The following CC2D2B variants were observed in gnomAD, a reference collection of about 807,000 sequenced individuals.
The protein encoded by CC2D2B is coiled-coil and C2 domain containing 2B.
CC2D2B carries 128 observed loss-of-function variants against 161.2 expected under a neutral mutation model. The ratio of observed to expected loss-of-function variants is 0.79; its 90% confidence interval spans 0.69 to 0.92. CC2D2B has a LOEUF of 0.92. Among genes scored for constraint, CC2D2B ranks in the 40% least tolerant of loss-of-function variants. The probability of loss-of-function intolerance (pLI) is 0.00; values close to 1 mark genes in which losing one functional copy is unlikely to be tolerated. For missense variants in CC2D2B, 1,173 were observed against 1,375.1 expected (o/e 0.85, Z 2.32); for synonymous variants, 391 against 449.8 (o/e 0.87, Z 1.65).
In CC2D2B at chr10:96,032,419, G is replaced by A. The variant is rs114641132; in HGVS notation, c.*411G>A. On this transcript the variant is annotated 3_prime_UTR_variant, in exon 35 of 35. Coordinates refer to ENST00000646931, the MANE Select transcript of CC2D2B (RefSeq NM_001349008.3). Reference sequence around the variant, plus strand: ...TACTAGATCCTCCTCAAGACCCACTGAATCAGCACCTCTGGGAGTGAAGCT... The same window carrying A: ...TACTAGATCCTCCTCAAGACCCACTAAATCAGCACCTCTGGGAGTGAAGCT... The A allele has an allele frequency of 5.0e-6, 1 of 200,782 alleles. No homozygotes were observed. Among genetic ancestry groups the A allele is most frequent in the African/African-American group, 2.3e-5 (1 of 43,164 alleles). The allele number at this position is 200,782 out of a possible 1,614,324, so 12.4% of individuals were successfully genotyped here. A position where few individuals can be genotyped will look rare whatever the true frequency, so the allele number is the denominator to read the frequency against.
At chr10:96,016,777 A>G (rs538599151) in intron 30 of CC2D2B, among the ~76,000 whole-genome samples, 2 of 152,282 alleles carry the variant, frequency 1.3e-5, no homozygotes, top group South Asian at 2.1e-4. Context: ...CTGGAGGGCA[A>G]TAGCGTGATC....
intron 23 of CC2D2B, among the ~76,000 whole-genome samples, chr10:95,995,854 T>A (rs1429727114): frequency 1.3e-5 from 2 of 152,240 alleles, no homozygotes; most frequent in Non-Finnish European, 2.9e-5. Context: ...ACCTTAAAGA[T>A]GTTTCTCTTA....
intron 19 of CC2D2B, among the ~76,000 whole-genome samples, chr10:95,986,781 G>T (rs1171287163): frequency 6.6e-6 from 1 of 151,938 alleles, no homozygotes; most frequent in African/African-American, 2.4e-5. Context: ...ATTTTTGGTA[G>T]AGACAGGGTT....
At chr10:95,910,878 C>T (rs2098505139) in intron 1 of CC2D2B, among the ~76,000 whole-genome samples, 1 of 152,000 alleles carries the variant, frequency 6.6e-6, no homozygotes, top group Admixed American at 6.6e-5. Context: ...AAGTTTTTTT[C>T]AGTACCCTTT....
intron 6 of CC2D2B, among the ~76,000 whole-genome samples, chr10:95,930,105 C>T (rs1235466819): frequency 1.3e-5 from 2 of 152,062 alleles, no homozygotes. Context: ...TGAAGAGGTG[C>T]TTCACATCCC....
intron 34 of CC2D2B, 52 bp from the exon 35 acceptor site, chr10:96,031,768 C>T: frequency 7.0e-7 from 1 of 1,435,360 alleles, no homozygotes. Flanking sequence ...ACAGTAATTC[C>T]AGATTACCCA....
chr10:95,919,391 G>A (rs1157792172), intron 2 of CC2D2B: 2 of 152,210 alleles, frequency 1.3e-5, no homozygotes, highest in Non-Finnish European at 2.9e-5. Context: ...ACTTGTAGAG[G>A]TACTGCCTTG....
intron 31 of CC2D2B, 49 bp from the exon 32 acceptor site, chr10:96,019,653 C>G: frequency 6.6e-7 from 1 of 1,504,382 alleles, no homozygotes; most frequent in Non-Finnish European, 8.8e-7. Flanking sequence ...CAACAATGGG[C>G]CTTGTGTTCC....
intron 6 of CC2D2B, among the ~76,000 whole-genome samples, chr10:95,929,753 ATATATC>A (rs1045364531): frequency 5.9e-5 from 9 of 152,096 alleles, no homozygotes; most frequent in Admixed American, 2.6e-4. Context: ...CCATTAGTCT[ATATATC>A]TATTTTGGTA....
chr10:95,934,443 AAAAAAACAAAC>A lies in CC2D2B; in HGVS notation c.337-3544_337-3534del, dbSNP rs1321704655. 2.9e-5 allele frequency among the ~76,000 whole-genome samples: 4 copies of A among 136,232 alleles called. No homozygotes were observed. The South Asian group carries it at 7.0e-4, about 24-fold the overall frequency. 89.4% of individuals were successfully genotyped at this position (136,232 alleles called of 152,430 possible). The stretch of plus-strand genomic sequence containing the variant: ...CCAGGCACCACTGGGGTATGAAAAA[AAAAAAACAAAC>A]AAACAAACAAAAAAACCTCTTGAAG... On this transcript the variant is annotated intron_variant, in intron 6 of 34. Transcript: ENST00000646931.
intron 11 of CC2D2B, among the ~76,000 whole-genome samples, chr10:95,956,592 G>A (rs2076575219): frequency 6.6e-6 from 1 of 152,038 alleles, no homozygotes; most frequent in Non-Finnish European, 1.5e-5. Flanking sequence ...GAAGCACTAG[G>A]AATTAATCTG....
intron 34 of CC2D2B, among the ~76,000 whole-genome samples, chr10:96,029,268 A>ATATATG (rs1564689115): frequency 1.7e-4 from 12 of 68,932 alleles, no homozygotes; most frequent in Admixed American, 3.1e-4. Flanking sequence ...ATATATATAT[A>ATATATG]TATATATATA....
At chr10:95,993,940 GTGTATGTATGTGTATATATATA>G (rs1226114688) in intron 22 of CC2D2B, among the ~76,000 whole-genome samples, 8 of 26,298 alleles carry the variant, frequency 3.0e-4, no homozygotes, top group African/African-American at 1.3e-3. Flanking sequence ...GTGTGTGTGT[GTGTATGTATGTGTATATATATA>G]TATATATATA....
chr10:95,909,859 T>C (rs2098502923), intron 1 of CC2D2B, among the ~76,000 whole-genome samples: 1 of 152,204 alleles, frequency 6.6e-6, no homozygotes, highest in Admixed American at 6.5e-5. Flanking sequence ...TTTAGAAATT[T>C]GTTTAGGCAA....
chr10:95,920,387 G>A (rs1049736264), intron 2 of CC2D2B: 5 of 153,428 alleles, frequency 3.3e-5, no homozygotes, highest in South Asian at 2.1e-4. Context: ...AATACCAGAC[G>A]CTTGTAAAAC....
At chr10:95,943,313 C>T (rs1035680104) in intron 9 of CC2D2B, among the ~76,000 whole-genome samples, 2 of 152,172 alleles carry the variant, frequency 1.3e-5, no homozygotes, top group Non-Finnish European at 2.9e-5. Context: ...CCCACACAAT[C>T]GCCAATGCTA....
chr10:96,013,492 AT>A lies in CC2D2B; in HGVS notation c.3427-294del, dbSNP rs2079074717. ...GTAATATTTAAAATTTTAGTAATAA[AT>A]TAAATAATTACTAAATAAATAAATA... On this transcript the variant is annotated intron_variant, in intron 28 of 34. Coordinates refer to ENST00000646931, the MANE Select transcript of CC2D2B (RefSeq NM_001349008.3). Among the ~76,000 whole-genome samples the A allele has an allele frequency of 5.4e-5, 5 of 92,600 alleles. No individual in the cohort carries two copies. The South Asian group carries it at 9.3e-4, about 17-fold the overall frequency. The allele number at this position is 92,600 out of a possible 152,430, so 60.7% of individuals were successfully genotyped here.
At chr10:95,949,815 T>TA (rs2076343052) in intron 9 of CC2D2B, 81 bp from the exon 10 acceptor site, 4 of 397,148 alleles carry the variant, frequency 1.0e-5, no homozygotes, top group African/African-American at 2.1e-5. Flanking sequence ...ATTGAAATGT[T>TA]ACTTTTGTAA....
Position 95,972,151 on chromosome 10 carries a change from C to G in CC2D2B, c.1730C>G (p.Ala577Gly), listed in dbSNP as rs35557930. The change falls in exon 16 of 35, where the codon GCT (alanine) becomes GGT (glycine). Residue 577 changes from alanine (A) to glycine (G), a missense_variant. Coordinates refer to ENST00000646931, the MANE Select transcript of CC2D2B (RefSeq NM_001349008.3). ...TACACAGAGCTGAAAGGCAAAACCG[C>G]TTTGCAATATGTAGAGTTTAGCTCT... ...PNYTELKGKT[A>G]LQYVEFSSDK... 4.8e-5 allele frequency: 59 copies of G among 1,231,546 alleles called. No homozygotes were observed. The highest frequency in any genetic ancestry group is 5.7e-5 in the Non-Finnish European group (56 of 987,716). The allele number at this position is 1,231,546 out of a possible 1,614,324, so 76.3% of individuals were successfully genotyped here.
Sources: allele counts gnomAD v4.1 joint callset (sites outside exome capture counted in the v4.1 genomes callset), GRCh38; gene constraint gnomAD v4.1.1; transcripts MANE v1.5; gene names NCBI Gene and HGNC (gene_info 2026-07-23, HGNC 2026-07-21).